RARB: variants seen among roughly 807,000 people sequenced by gnomAD.
The protein encoded by RARB is retinoic acid receptor beta, also known as HBV-activated protein.
In RARB, 17 loss-of-function variants were observed where a neutral mutation model predicts 51.9. The ratio of observed to expected loss-of-function variants is 0.33; its 90% CI spans 0.22 to 0.49. The LOEUF is 0.49. Among genes scored for constraint, RARB ranks in the 20% least tolerant of loss-of-function variants. The pLI, the probability that RARB is intolerant of heterozygous loss-of-function variation, is 0.99. For synonymous variants in RARB, 215 were observed against 195.4 expected (o/e 1.10, Z -0.84); for missense variants, 369 against 550.8 (o/e 0.67, Z 3.30).
At chr3:25,465,706 C>G (rs918456190) in intron 2 of RARB, among the ~76,000 whole-genome samples, 5 of 152,054 alleles carry the variant, frequency 3.3e-5, no homozygotes, top group Non-Finnish European at 5.9e-5. Context: ...TGTAGGGATG[C>G]CCTGTTTAGG....
In RARB at chr3:24,990,456, CATAA is replaced by C. The variant is rs1293092381; in HGVS notation, c.-379-69665_-379-69662del. 3.9e-5 allele frequency among the ~76,000 whole-genome samples: 4 copies of C among 101,804 alleles called. 1 individual carries two copies. The highest frequency in any genetic ancestry group is 7.8e-5 in the Non-Finnish European group (4 of 51,314). 66.8% of individuals were successfully genotyped at this position (101,804 alleles called of 152,430 possible). A position where few individuals can be genotyped will look rare whatever the true frequency, so the allele number is the denominator to read the frequency against. On this transcript the variant is annotated intron_variant, in intron 2 of 11. Coordinates refer to the RARB transcript ENST00000383772. ...TTAAAAAAAATCCTGCCTAATCTAACATAAATATACTTAGATATACTCTAGTAAA... is the reference window on the plus strand; with the variant it reads ...TTAAAAAAAATCCTGCCTAATCTAACATATACTTAGATATACTCTAGTAAA...
In RARB at chr3:25,570,199, G is replaced by A. The variant is rs185294545; in HGVS notation, c.609+281G>A. The stretch of plus-strand genomic sequence containing the variant: ...TGCATTAACTGAGTATTTGCTATAC[G>A]ACAGGCTGTGTTCTAAGCCCTGGCA... On this transcript the variant is annotated intron_variant, in intron 4 of 7. Transcript: ENST00000330688. 8.6e-4 allele frequency among the ~76,000 whole-genome samples: 131 copies of A among 152,334 alleles called. 1 individual carries two copies. The highest frequency in any genetic ancestry group is 3.4e-3 in the Middle Eastern group (1 of 294).
chr3:25,574,756 C>T (rs771413509), intron 4 of RARB, among the ~76,000 whole-genome samples: 2 of 152,146 alleles, frequency 1.3e-5, no homozygotes, highest in Admixed American at 6.5e-5. Flanking sequence ...AGGAGACATA[C>T]CATAGAAAAG....
rs1335103828 is a variant in RARB, at chr3:25,266,929, C to T, written c.178+92354C>T. ...AATACATTTCTATTGTTTAAGCCCC[C>T]AGGCTATGCTATCTTGATGTGGCAG... On this transcript the variant is annotated intron_variant, in intron 5 of 11. Coordinates refer to the RARB transcript ENST00000383772. Among the ~76,000 whole-genome samples, 5 of 152,196 alleles carry T rather than the reference C, an allele frequency of 3.3e-5. No individual in the cohort carries two copies. The East Asian group carries it at 9.6e-4, about 29-fold the overall frequency.
chr3:24,913,402 CTT>C (rs66779362), intron 2 of RARB, among the ~76,000 whole-genome samples: 167 of 108,370 alleles, frequency 1.5e-3, no homozygotes, highest in African/African-American at 3.9e-3. Flanking sequence ...CTCTCTCTCT[CTT>C]TTTTTTTTTT....
intron 2 of RARB, among the ~76,000 whole-genome samples, chr3:25,041,666 C>G (rs1249780983): frequency 6.6e-6 from 1 of 152,010 alleles, no homozygotes; most frequent in African/African-American, 2.4e-5. Flanking sequence ...CTAAATTCCT[C>G]TCTTAGATTC....
intron 2 of RARB, among the ~76,000 whole-genome samples, chr3:25,044,575 C>T (rs551426355): frequency 2.8e-4 from 42 of 152,118 alleles, no homozygotes; most frequent in Non-Finnish European, 5.3e-4. Context: ...TGCTAGGAGT[C>T]GTGGTACATG....
intron 4 of RARB, among the ~76,000 whole-genome samples, chr3:25,141,143 C>G (rs1234751374): frequency 2.0e-5 from 3 of 151,874 alleles, no homozygotes; most frequent in African/African-American, 7.3e-5. Context: ...TTTGTCATAT[C>G]CCTTATAAAA....
intron 5 of RARB, among the ~76,000 whole-genome samples, chr3:25,212,704 A>T (rs1001703321): frequency 1.3e-5 from 2 of 152,170 alleles, no homozygotes; most frequent in Admixed American, 1.3e-4. Context: ...TCACCTATCA[A>T]ATTATCTCTC....
chr3:25,274,113 C>G (rs976580797), intron 5 of RARB, among the ~76,000 whole-genome samples: 1 of 152,184 alleles, frequency 6.6e-6, no homozygotes, highest in African/African-American at 2.4e-5. Flanking sequence ...ACCTTTTGAT[C>G]ACCACATTAA....
intron 2 of RARB, among the ~76,000 whole-genome samples, chr3:25,483,688 C>T (rs1344591504): frequency 2.6e-5 from 4 of 152,096 alleles, no homozygotes; most frequent in African/African-American, 9.7e-5. Context: ...GCAAGGGAGA[C>T]TGGAGGATGT....
At chr3:25,197,050 G>A (rs911195726) in intron 5 of RARB, among the ~76,000 whole-genome samples, 103 of 152,146 alleles carry the variant, frequency 6.8e-4, no homozygotes, top group African/African-American at 2.0e-3. Flanking sequence ...TTCTTTTGCC[G>A]TTCAGAAGCT....
chr3:25,367,817 C>CAAAAAAA (rs369165017), intron 5 of RARB, among the ~76,000 whole-genome samples: 54 of 125,356 alleles, frequency 4.3e-4, no homozygotes, highest in Non-Finnish European at 5.8e-4. Context: ...AAAAAACAAG[C>CAAAAAAA]AAAAAAAAAA....
chr3:25,539,530 CTCTT>C (rs1337424368), intron 3 of RARB, among the ~76,000 whole-genome samples: 1 of 118,910 alleles, frequency 8.4e-6, no homozygotes, highest in African/African-American at 3.9e-5. Context: ...CTCTCTCTCT[CTCTT>C]TTTTTTTTTT....
chr3:25,069,636 GC>G (rs1698729797), intron 3 of RARB, among the ~76,000 whole-genome samples: 1 of 152,138 alleles, frequency 6.6e-6, no homozygotes, highest in Non-Finnish European at 1.5e-5. Context: ...AGAGGGAACT[GC>G]ACCGTAGCTC....
At chr3:24,847,829 A>C (rs1388759492) in intron 1 of RARB, among the ~76,000 whole-genome samples, 3 of 152,212 alleles carry the variant, frequency 2.0e-5, no homozygotes, top group Non-Finnish European at 4.4e-5. Context: ...TACCCAAGTG[A>C]TATTGCATTT....
chr3:25,028,168 A>T (rs76097217), intron 2 of RARB, among the ~76,000 whole-genome samples: 5 of 152,268 alleles, frequency 3.3e-5, no homozygotes, highest in Admixed American at 1.3e-4. Context: ...TAGACCAGCA[A>T]TGTCTCCTGG....
intron 3 of RARB, among the ~76,000 whole-genome samples, chr3:25,120,270 G>A (rs1169747561): frequency 6.6e-6 from 1 of 152,108 alleles, no homozygotes; most frequent in Non-Finnish European, 1.5e-5. Flanking sequence ...ACAGTAGAGA[G>A]TAGTGACGAC....
chr3:24,917,675 C>T (rs1386715010), intron 2 of RARB, among the ~76,000 whole-genome samples: 4 of 152,304 alleles, frequency 2.6e-5, no homozygotes, highest in Admixed American at 6.5e-5. Context: ...GGACTACAGG[C>T]GTGTGCCATG....
Sources: gnomAD v4.1 joint callset for allele counts (sites outside exome capture counted in the v4.1 genomes callset) on GRCh38, gnomAD v4.1.1 for gene constraint, MANE v1.5 for transcripts, NCBI Gene and HGNC (gene_info 2026-07-23, HGNC 2026-07-21) for gene names.